The following STAT5B variants were observed in gnomAD, a reference collection of about 807,000 sequenced individuals.
The protein encoded by STAT5B is transcription factor STAT5B.
Under a neutral mutation model 107.8 loss-of-function variants are expected in STAT5B, and 21 were observed. The ratio of observed to expected loss-of-function variants is 0.19; its 90% CI spans 0.14 to 0.28. The LOEUF is 0.28. Among genes scored for constraint, STAT5B ranks in the 10% least tolerant of loss-of-function variants. The pLI, the probability that STAT5B is intolerant of heterozygous loss-of-function variation, is 1.00. For missense variants in STAT5B, 565 were observed against 1,008.2 expected (o/e 0.56, Z 5.95); for synonymous variants, 325 against 401.7 (o/e 0.81, Z 2.28).
At chr17:42,280,529 G>A (rs2080791290), upstream of STAT5B, among the ~76,000 whole-genome samples, 1 of 151,832 alleles carries the variant, frequency 6.6e-6, no homozygotes, top group Non-Finnish European at 1.5e-5. Flanking sequence ...GAGTCAGGCT[G>A]ACCCTGGGCA....
At chr17:42,207,757 C>T in intron 15 of STAT5B, 29 bp from the exon 16 acceptor site, 1 of 1,612,686 alleles carries the variant, frequency 6.2e-7, no homozygotes, top group Non-Finnish European at 8.5e-7. Flanking sequence ...CAATCACATT[C>T]TAAACATGAT....
At chr17:42,238,724 T>C (rs866534464) in intron 1 of STAT5B, among the ~76,000 whole-genome samples, 3 of 151,710 alleles carry the variant, frequency 2.0e-5, no homozygotes, top group Non-Finnish European at 2.9e-5. Context: ...GTGCTGGGAT[T>C]ACAGGCTGTG....
At chr17:42,202,919 A>G in intron 16 of STAT5B, 111 bp from the exon 17 acceptor site, 1 of 1,362,718 alleles carries the variant, frequency 7.3e-7, no homozygotes, top group South Asian at 1.2e-5. Context: ...TAACTTATCT[A>G]AGGATATGAC....
Position 42,218,326 on chromosome 17 carries a change from A to C in STAT5B, c.994T>G (p.Phe332Val). Residue 332 changes from phenylalanine to valine, a missense_variant, in exon 9 of 19, where the codon TTC (phenylalanine) becomes GTC (valine). Phe to Val is a conservative substitution (Grantham distance 50). Around this residue, in one of 11 missense-constraint regions of STAT5B, gnomAD observed 48 missense variants for 106.5 expected, o/e 0.45. Coordinates refer to ENST00000293328, the MANE Select transcript of STAT5B (RefSeq NM_012448.4). ...DIISALVTST[F>V]IIEKQPPQVL... is the part of the protein sequence containing the mutation. ...TGAGGAGGCTGCTTCTCAATGATGA[A>C]CGTGCTGCAGGGGACACAGGGACAG... is the stretch of plus-strand genomic sequence containing the variant. 1 of 1,612,804 alleles carries C rather than the reference A, an allele frequency of 6.2e-7. No homozygotes were observed. The highest frequency in any genetic ancestry group is 8.5e-7 in the Non-Finnish European group (1 of 1,179,448).
At chr17:42,218,606 G>A in intron 8 of STAT5B, 117 bp downstream of exon 8, 1 of 1,576,462 alleles carries the variant, frequency 6.3e-7, no homozygotes, top group Non-Finnish European at 8.6e-7. Flanking sequence ...TGGAGATGGA[G>A]TTGGGAGGGA....
chr17:42,218,135 G>A lies in STAT5B; in HGVS notation c.1169+16C>T, dbSNP rs769922582. 4.3e-6 allele frequency: 7 copies of A among 1,612,534 alleles called. No homozygotes were observed. In the African/African-American group the frequency reaches 8.0e-5, roughly 18 times the overall value. ...TGAGACAAGTAGCAGGGAATGAGAG[G>A]AAGCTGCACAATTACTTGCGGGTGT... is the stretch of plus-strand genomic sequence containing the variant. On this transcript the variant is annotated intron_variant, in intron 9 of 18. Transcript: ENST00000293328.
At chr17:42,271,672 G>A (rs1351864319) in intron 1 of STAT5B, 2 of 152,038 alleles carry the variant, frequency 1.3e-5, no homozygotes, top group Non-Finnish European at 2.9e-5. Context: ...CCAAAAGTAG[G>A]TAGAAAAAGA....
At chr17:42,282,438 C>T in the STAT5B span, among the ~76,000 whole-genome samples, 1 of 152,300 alleles carries the variant, frequency 6.6e-6, no homozygotes, top group East Asian at 1.9e-4. Flanking sequence ...ATTCTCCTGC[C>T]TCAGCCTCCC....
At chr17:42,255,485 T>G (rs1245504714) in intron 1 of STAT5B, among the ~76,000 whole-genome samples, 2 of 151,826 alleles carry the variant, frequency 1.3e-5, no homozygotes, top group Non-Finnish European at 2.9e-5. Context: ...AACTAAACAA[T>G]CAAAGGAAAG....
intron 12 of STAT5B, among the ~76,000 whole-genome samples, chr17:42,214,914 C>T (rs1253606897): frequency 2.0e-5 from 3 of 152,032 alleles, no homozygotes; most frequent in Non-Finnish European, 4.4e-5. Flanking sequence ...CCATGCCTGG[C>T]TAATTTTTTG....
At chr17:42,258,979 T>C (rs1466829598) in intron 1 of STAT5B, among the ~76,000 whole-genome samples, 2 of 152,158 alleles carry the variant, frequency 1.3e-5, no homozygotes, top group East Asian at 3.8e-4. Context: ...AAGCATCAAC[T>C]TGATGTATTT....
At chr17:42,238,511 G>A (rs2080375766) in intron 1 of STAT5B, among the ~76,000 whole-genome samples, 1 of 147,138 alleles carries the variant, frequency 6.8e-6, no homozygotes, top group Non-Finnish European at 1.5e-5. Context: ...CTGGAGTGCA[G>A]TGGCGTGACC....
chr17:42,265,374 C>CTTTTTTTTTTTT (rs1275073687), intron 1 of STAT5B, among the ~76,000 whole-genome samples: 4 of 99,228 alleles, frequency 4.0e-5, no homozygotes, highest in African/African-American at 2.0e-4. Context: ...GGTATGTACT[C>CTTTTTTTTTTTT]TTCTTTTTTT....
At position 42,218,305 on chromosome 17, in the gene STAT5B, G is replaced by C; in HGVS notation, c.1015C>G (p.Pro339Ala). The change falls in exon 9 of 19, where the codon CCT becomes GCT. Residue 339 changes from proline to alanine, a missense_variant. Pro to Ala is a conservative substitution (Grantham distance 27). Around this residue, in one of 11 missense-constraint regions of STAT5B, gnomAD observed 48 missense variants for 106.5 expected, o/e 0.45. Coordinates refer to ENST00000293328, the MANE Select transcript of STAT5B (RefSeq NM_012448.4). The stretch of plus-strand genomic sequence containing the variant: ...TTGGTCTGGGTCTTCAGGACCTGAG[G>C]AGGCTGCTTCTCAATGATGAACGTG... ...TSTFIIEKQP[P>A]QVLKTQTKFA... 6.2e-7 allele frequency: 1 copy of C among 1,614,024 alleles called. No individual in the cohort carries two copies. The highest frequency in any genetic ancestry group is 8.5e-7 in the Non-Finnish European group (1 of 1,179,982).
intron 1 of STAT5B, among the ~76,000 whole-genome samples, chr17:42,235,741 G>C (rs1431934007): frequency 1.3e-5 from 2 of 152,204 alleles, no homozygotes; most frequent in Non-Finnish European, 2.9e-5. Context: ...CTCCCAAAGT[G>C]CTGGGATTAC....
chr17:42,273,080 A>C (rs928935301), intron 1 of STAT5B, among the ~76,000 whole-genome samples: 1 of 152,214 alleles, frequency 6.6e-6, no homozygotes, highest in African/African-American at 2.4e-5. Context: ...TACAATTTTA[A>C]AAAGTATTTA....
At position 42,273,766 on chromosome 17, in the gene STAT5B, A is replaced by C. The variant is rs552996077; in HGVS notation, c.-11+2482T>G. On this transcript the variant is annotated intron_variant, in intron 1 of 18. Coordinates refer to ENST00000293328, the MANE Select transcript of STAT5B (RefSeq NM_012448.4). ...CACCTACCTACATAACAACAAGCCA[A>C]ATAAACCACAACAAATGGATTCATA... 3.3e-5 allele frequency among the ~76,000 whole-genome samples: 5 copies of C among 152,350 alleles called. No individual in the cohort carries two copies. The South Asian group carries it at 1.0e-3, about 32-fold the overall frequency.
Position 42,201,698 on chromosome 17 carries a change from TG to T in STAT5B, c.*39del. On this transcript the variant is annotated 3_prime_UTR_variant, in exon 19 of 19. Transcript: ENST00000293328. ...AAAACATCCACAAGAGTGATTCCTC[TG>T]GTGAAGATGAAGAAGCTGAAGATGG... 8.1e-7 allele frequency: 1 copy of T among 1,233,410 alleles called. No homozygotes were observed. Among genetic ancestry groups the T allele is most frequent in the Non-Finnish European group, 1.2e-6 (1 of 832,122 alleles). The allele number at this position is 1,233,410 out of a possible 1,614,324, so 76.4% of individuals were successfully genotyped here.
At chr17:42,283,296 G>C in the STAT5B span, among the ~76,000 whole-genome samples, 1 of 152,218 alleles carries the variant, frequency 6.6e-6, no homozygotes, top group African/African-American at 2.4e-5. Flanking sequence ...GCCTGGCTCT[G>C]TGTGCCCTCT....
Sources: allele counts gnomAD v4.1 joint callset (sites outside exome capture counted in the v4.1 genomes callset), GRCh38; gene constraint gnomAD v4.1.1; regional missense constraint gnomAD v4.1.1; transcripts MANE v1.5; gene names NCBI Gene and HGNC (gene_info 2026-07-23, HGNC 2026-07-21).